Variants in TRIML2 observed in about 807,000 individuals in gnomAD.
TRIML2 encodes tripartite motif family like 2.
A neutral mutation model predicts 31.2 loss-of-function variants in TRIML2; 28 were observed. The ratio of observed to expected loss-of-function variants is 0.90; its 90% CI spans 0.66 to 1.23. TRIML2 has a LOEUF of 1.23. Ranked by LOEUF, TRIML2 falls within the 50% of genes most tolerant of loss-of-function variation. TRIML2 has a pLI of 0.00. For synonymous variants in TRIML2, 187 were observed against 197.5 expected, an observed-to-expected ratio of 0.95 and a Z score of 0.45; for missense variants, 536 against 528.3, an observed-to-expected ratio of 1.01 and a Z score of -0.14.
chr4:188,099,499 C>T (rs1194562988), intron 4 of TRIML2, among the ~76,000 whole-genome samples: 2 of 150,342 alleles, frequency 1.3e-5, no homozygotes, highest in African/African-American at 4.9e-5. Flanking sequence ...GGGAGGCAGA[C>T]GTTGCAGTGA....
intron 7 of TRIML2, among the ~76,000 whole-genome samples, chr4:188,093,986 G>A (rs1478793684): frequency 1.3e-5 from 2 of 151,954 alleles, no homozygotes; most frequent in Non-Finnish European, 2.9e-5. Flanking sequence ...AGCTACTCGG[G>A]AGGTTGAGGC....
At chr4:188,097,710 C>G (rs777256086) in intron 5 of TRIML2, among the ~76,000 whole-genome samples, 6 of 152,122 alleles carry the variant, frequency 3.9e-5, no homozygotes, top group Non-Finnish European at 8.8e-5. Context: ...CAGGCAGAGC[C>G]ACACCTGCCT....
chr4:188,099,038 G>A lies in TRIML2; in HGVS notation c.618C>T (p.Leu206=). The change falls in exon 5 of 8, where the codon CTC becomes CTT. Residue 206 remains leucine (L), a synonymous_variant. Coordinates refer to ENST00000682553, the MANE Select transcript of TRIML2 (RefSeq NM_173553.4). The stretch of plus-strand genomic sequence containing the variant: ...TTTCTTTTTCCCAGCATCTTACCTT[G>A]AGCAATGCCAAGGTGCCTTCCCCAC... ...KKCGEGTLAL[L]KNAKYSLERS... The A allele has an allele frequency of 2.5e-6, 4 of 1,613,988 alleles. No homozygotes were observed. The highest frequency in any genetic ancestry group is 3.4e-6 in the Non-Finnish European group (4 of 1,180,004).
chr4:188,098,623 G>T, intron 5 of TRIML2: 1 of 203,120 alleles, frequency 4.9e-6, no homozygotes, highest in South Asian at 8.6e-5. Context: ...ATGTATATGT[G>T]TGTGTATATA....
At position 188,108,845 on chromosome 4, in the gene TRIML2, A is replaced by G. The variant is rs570973753; in HGVS notation, c.-223+398T>C. Among the ~76,000 whole-genome samples, 4 of 152,234 alleles carry G rather than the reference A, an allele frequency of 2.6e-5. No individual in the cohort carries two copies. In the South Asian group the frequency reaches 8.3e-4, roughly 32 times the overall value. On this transcript the variant is annotated intron_variant, in intron 1 of 7. Transcript: ENST00000682553. ...ACTCATCTCCTTATTTTATTTTCTT[A>G]GTAGCGAAAAGATTTTATCTTTCTA... is the stretch of plus-strand genomic sequence containing the variant.
At chr4:188,103,166 C>G (rs960746887) in intron 3 of TRIML2, among the ~76,000 whole-genome samples, 2 of 151,828 alleles carry the variant, frequency 1.3e-5, no homozygotes, top group Non-Finnish European at 2.9e-5. Flanking sequence ...GCACCTGCCA[C>G]CACACCCGAT....
At chr4:188,096,528 C>CAAAAAAAAAA (rs10607852) in intron 7 of TRIML2, among the ~76,000 whole-genome samples, 6 of 39,268 alleles carry the variant, frequency 1.5e-4, no homozygotes, top group Non-Finnish European at 2.9e-4. Flanking sequence ...AACTCTGTCT[C>CAAAAAAAAAA]AAAAAAAAAA....
At position 188,103,482 on chromosome 4, in the gene TRIML2, G is replaced by A. The variant is rs1241268362; in HGVS notation, c.285+1355C>T. ...TCTGATCTCATCACCTACAGCCCCCGTTTCCTTACACAGCTCCAGCCACAT... is the reference window on the plus strand; with the variant it reads ...TCTGATCTCATCACCTACAGCCCCCATTTCCTTACACAGCTCCAGCCACAT... On this transcript the variant is annotated intron_variant, in intron 3 of 7. Coordinates refer to ENST00000682553, the MANE Select transcript of TRIML2 (RefSeq NM_173553.4). Among the ~76,000 whole-genome samples, 9 of 151,884 alleles carry A rather than the reference G, an allele frequency of 5.9e-5. No homozygotes were observed. In the South Asian group the frequency reaches 1.5e-3, roughly 25 times the overall value.
At chr4:188,098,924 G>T in intron 5 of TRIML2, 111 bp downstream of exon 5, 1 of 1,249,892 alleles carries the variant, frequency 8.0e-7, no homozygotes. Flanking sequence ...TTCTTTTGTG[G>T]TTGAAGATCA....
chr4:188,093,826 C>A (rs1733376036), intron 7 of TRIML2, among the ~76,000 whole-genome samples: 1 of 151,692 alleles, frequency 6.6e-6, no homozygotes, highest in African/African-American at 2.4e-5. Context: ...TAGCTAGGGC[C>A]AGGTGCGGTG....
intron 3 of TRIML2, among the ~76,000 whole-genome samples, chr4:188,101,684 C>T (rs1031687845): frequency 6.6e-6 from 1 of 150,874 alleles, no homozygotes; most frequent in African/African-American, 2.4e-5. Flanking sequence ...CAGAGCTAGA[C>T]TCTGTCTCAA....
chr4:188,098,842 C>T, intron 5 of TRIML2, 193 bp downstream of exon 5: 1 of 580,540 alleles, frequency 1.7e-6, no homozygotes, highest in Non-Finnish European at 2.9e-6. Context: ...TCTCATGAAG[C>T]AGCTCCACAC....
At chr4:188,097,250 G>A in intron 6 of TRIML2, 74 bp downstream of exon 6, 2 of 1,595,936 alleles carry the variant, frequency 1.3e-6, no homozygotes, top group Non-Finnish European at 1.7e-6. Flanking sequence ...ACCAGCAAAT[G>A]CAATCTCCCT....
rs1733987862 is a variant in TRIML2 at position 188,105,482 on chromosome 4, C to A, written c.-114G>T. The A allele has an allele frequency of 1.4e-6, 1 of 713,772 alleles. No homozygotes were observed. Among genetic ancestry groups the A allele is most frequent in the Non-Finnish European group, 2.1e-6 (1 of 466,000 alleles). 44.2% of individuals were successfully genotyped at this position (713,772 alleles called of 1,614,324 possible). Reference sequence around the variant, plus strand: ...CTTTGTTTTCTGGAGCAGGCACACACACTTGGCAACTTCAGAGTCCACGAA... The same window carrying A: ...CTTTGTTTTCTGGAGCAGGCACACAAACTTGGCAACTTCAGAGTCCACGAA... On this transcript the variant is annotated 5_prime_UTR_variant, in exon 2 of 8. Coordinates refer to ENST00000682553, the MANE Select transcript of TRIML2 (RefSeq NM_173553.4).
rs902910 is a variant in TRIML2 at position 188,099,194 on chromosome 4, G to A, written c.481-19C>T. Reference sequence around the variant, plus strand: ...CCAGTCTCTGCAGAAGCATTTCTTCGTTACTATTCAACAACCTCAAGTTCA... The same window carrying A: ...CCAGTCTCTGCAGAAGCATTTCTTCATTACTATTCAACAACCTCAAGTTCA... On this transcript the variant is annotated intron_variant, in intron 4 of 7. Coordinates refer to ENST00000682553, the MANE Select transcript of TRIML2 (RefSeq NM_173553.4). The A allele has an allele frequency of 0.099, 156,273 of 1,572,674 alleles. 10,086 individuals carry two copies. Among genetic ancestry groups the A allele is most frequent in the South Asian group, 0.28 (23,701 of 85,120 alleles).
intron 5 of TRIML2, chr4:188,098,675 T>C (rs1444835880): frequency 1.4e-5 from 3 of 207,690 alleles, no homozygotes; most frequent in Non-Finnish European, 1.9e-5. Flanking sequence ...GTCTGCATCT[T>C]TCTTTTTCAC....
In TRIML2 at chr4:188,091,796, C is replaced by T. The variant is rs1294173780; in HGVS notation, c.891G>A (p.Glu297=). The T allele has an allele frequency of 1.2e-6, 2 of 1,614,168 alleles. No individual in the cohort carries two copies. Among genetic ancestry groups the T allele is most frequent in the South Asian group, 1.1e-5 (1 of 91,080 alleles). ...AGTAGTGCCTCCCTGAGGTGAAGCT[C>T]TCCGCAGCCAGCACCATGGCACTGA... ...LDFSAMVLAA[E]SFTSGRHYWE... The change falls in exon 8 of 8, where the codon GAG becomes GAA. Residue 297 remains glutamate, a synonymous_variant. Transcript: ENST00000682553.
intron 7 of TRIML2, among the ~76,000 whole-genome samples, chr4:188,096,727 G>T (rs1733536223): frequency 6.6e-6 from 1 of 151,476 alleles, no homozygotes; most frequent in African/African-American, 2.4e-5. Flanking sequence ...TGTGATCTCA[G>T]CTCACTGCAA....
Position 188,109,270 on chromosome 4 carries a change from C to CTTTTTTTTTTTT in TRIML2, c.-262_-251dup, listed in dbSNP as rs769207658. ...TCTTTGTAGCAATCCTGGGTATTTC[C>CTTTTTTTTTTTT]TTTTTTTTTTTTTTTTTTTTTTTTG... On this transcript the variant is annotated 5_prime_UTR_variant, in exon 1 of 8. Transcript: ENST00000682553. The CTTTTTTTTTTTT allele has an allele frequency of 1.4e-5, 1 of 69,936 alleles. No individual in the cohort carries two copies. The highest frequency in any genetic ancestry group is 2.4e-5 in the Non-Finnish European group (1 of 40,866). 4.3% of individuals were successfully genotyped at this position (69,936 alleles called of 1,614,324 possible).
Sources: gnomAD v4.1 joint callset for allele counts (sites outside exome capture counted in the v4.1 genomes callset) on GRCh38, gnomAD v4.1.1 for gene constraint, MANE v1.5 for transcripts, NCBI Gene and HGNC (gene_info 2026-07-23, HGNC 2026-07-21) for gene names.